The following MTERF4 variants were observed in gnomAD, a reference collection of about 807,000 sequenced individuals.
MTERF4 encodes the protein mitochondrial transcription termination factor 4.
In MTERF4, 17 loss-of-function variants were observed where a neutral mutation model predicts 22.5. That is an observed-to-expected ratio of 0.75 (90% CI 0.52 to 1.13). The LOEUF (loss-of-function observed/expected upper bound fraction) is 1.13. Among genes scored for constraint, MTERF4 ranks in the 50% most tolerant of loss-of-function variants. The pLI is 0.00. For missense variants in MTERF4, 420 were observed against 466.8 expected (o/e 0.90, Z 0.92); for synonymous variants, 165 against 175.3 (o/e 0.94, Z 0.47).
rs779840029 is a variant in MTERF4, at chr2:241,097,334, C to G, written c.614G>C (p.Cys205Ser). 1 of 1,614,174 alleles carries G rather than the reference C, an allele frequency of 6.2e-7. No individual in the cohort carries two copies. Among genetic ancestry groups the G allele is most frequent in the South Asian group, 1.1e-5 (1 of 91,082 alleles). ...NDTVRLLKEK[C>S]LFTVQQVTKI... ...GGTGACTTGCTGTACCGTGAAAAGG[C>G]ACTTCTCCTTGAGAAGCCTGACAGT... is the stretch of plus-strand genomic sequence containing the variant. The change falls in exon 3 of 4, where the codon TGC (cysteine) becomes TCC (serine). Residue 205 changes from cysteine to serine, a missense_variant. By Grantham distance (112) the Cys-to-Ser change is moderately radical. Transcript: ENST00000391980.
chr2:241,049,048 A>G, the MTERF4 span: 1 of 1,613,424 alleles, frequency 6.2e-7, no homozygotes, highest in Admixed American at 1.7e-5. Context: ...CTGCAACATG[A>G]ACACACAGTG....
chr2:241,074,040 T>C (rs1435640200), exon 5 of MTERF4: 1 of 152,558 alleles, frequency 6.6e-6, no homozygotes, highest in Admixed American at 6.5e-5. Flanking sequence ...GGCTGTGTCC[T>C]CTATGGACAG....
chr2:241,048,367 C>T, the MTERF4 span: 3 of 1,611,782 alleles, frequency 1.9e-6, no homozygotes, highest in Non-Finnish European at 2.5e-6. Flanking sequence ...ACAATGGGGG[C>T]ACCTGTGTGG....
intron 2 of MTERF4, chr2:241,099,112 T>G: frequency 3.4e-6 from 1 of 292,978 alleles, no homozygotes; most frequent in Non-Finnish European, 6.3e-6. Flanking sequence ...AGCCTTGCTG[T>G]CACCCAGGCT....
the MTERF4 span, among the ~76,000 whole-genome samples, chr2:241,054,709 G>T: frequency 1.3e-5 from 2 of 152,358 alleles, no homozygotes; most frequent in African/African-American, 4.8e-5. Context: ...TATAATAGTT[G>T]AAATAACAGA....
intron 1 of MTERF4, among the ~76,000 whole-genome samples, chr2:241,100,451 T>C (rs2064651117): frequency 6.6e-6 from 1 of 152,168 alleles, no homozygotes; most frequent in Admixed American, 6.5e-5. Context: ...AGTAAATACA[T>C]TTTCTCTTAG....
the MTERF4 span, chr2:241,049,797 C>T: frequency 1.3e-6 from 2 of 1,594,694 alleles, no homozygotes; most frequent in African/African-American, 1.4e-5. Context: ...CCAGGACCAC[C>T]CTCTGTCCCC....
the MTERF4 span, among the ~76,000 whole-genome samples, chr2:241,055,434 A>C: frequency 6.6e-6 from 1 of 152,252 alleles, no homozygotes; most frequent in South Asian, 2.1e-4. Context: ...AAACTTCTCA[A>C]CAGCAATATC....
the MTERF4 span, among the ~76,000 whole-genome samples, chr2:241,065,996 A>G: frequency 6.6e-6 from 1 of 151,484 alleles, no homozygotes; most frequent in Non-Finnish European, 1.5e-5. Flanking sequence ...GCCTGGGGAG[A>G]GTTTGAAAGA....
At chr2:241,094,550 CCTT>C (rs1559332108), downstream of MTERF4, 1 of 365,796 alleles carries the variant, frequency 2.7e-6, no homozygotes, top group South Asian at 2.1e-5. This position sits in a 1 kb window ranked among gnomAD's most constrained non-coding sequence, Gnocchi z 4.3. Flanking sequence ...AAAACCAGCT[CCTT>C]ATTTTTCTTT....
intron 4 of MTERF4, among the ~76,000 whole-genome samples, chr2:241,078,350 T>C (rs1267170135): frequency 2.8e-5 from 4 of 143,280 alleles, no homozygotes; most frequent in African/African-American, 1.1e-4. Context: ...GCCACTGCAC[T>C]GCAGCCTGGG....
chr2:241,063,092 G>A, the MTERF4 span, among the ~76,000 whole-genome samples: 1 of 152,354 alleles, frequency 6.6e-6, no homozygotes, highest in Non-Finnish European at 1.5e-5. Flanking sequence ...CACCTCCCCA[G>A]GGGAGACTGA....
chr2:241,070,008 G>T (rs1462993106), downstream of MTERF4: 2 of 1,612,850 alleles, frequency 1.2e-6, no homozygotes, highest in African/African-American at 2.7e-5. Context: ...CAGGCAGCTT[G>T]CTGGAGGCTT....
At chr2:241,062,304 T>C in the MTERF4 span, among the ~76,000 whole-genome samples, 1 of 152,130 alleles carries the variant, frequency 6.6e-6, no homozygotes, top group African/African-American at 2.4e-5. Context: ...TCATTACCAT[T>C]TATTTACTTT....
At chr2:241,053,969 C>T in the MTERF4 span, among the ~76,000 whole-genome samples, 2 of 152,210 alleles carry the variant, frequency 1.3e-5, no homozygotes, top group Non-Finnish European at 2.9e-5. Context: ...GATTTTAAAA[C>T]AAGCTTAGGA....
rs2064413471 is a variant in MTERF4, at chr2:241,096,233, C to G, written c.911G>C (p.Arg304Thr). Residue 304 changes from arginine to threonine, a missense_variant, in exon 4 of 4, where the codon AGG becomes ACG. Transcript: ENST00000391980. The surrounding 1 kb of genome is among the most constrained non-coding windows in gnomAD (Gnocchi z 5.1). ...LRVSEAEFLA[R>T]TACTSVEEFQ... Reference sequence around the variant, plus strand: ...CTCCTCAACAGAAGTACAGGCTGTCCTGGCCAAAAACTCAGCTTCTGAAAC... The same window carrying G: ...CTCCTCAACAGAAGTACAGGCTGTCGTGGCCAAAAACTCAGCTTCTGAAAC... 1 of 1,614,082 alleles carries G rather than the reference C, an allele frequency of 6.2e-7. No homozygotes were observed. Among genetic ancestry groups the G allele is most frequent in the Non-Finnish European group, 8.5e-7 (1 of 1,180,046 alleles).
downstream of MTERF4, chr2:241,070,163 C>T (rs1329051630): frequency 7.5e-6 from 12 of 1,599,680 alleles, no homozygotes; most frequent in South Asian, 2.2e-5. Flanking sequence ...GAGCTCGGGC[C>T]GCAGCACAGC....
chr2:241,080,746 A>C (rs560019010), intron 4 of MTERF4, among the ~76,000 whole-genome samples: 26 of 152,340 alleles, frequency 1.7e-4, no homozygotes, highest in East Asian at 7.7e-4. Context: ...CAGAAAGAAG[A>C]AGCAACCTAG....
At chr2:241,099,973 G>T in intron 1 of MTERF4, 79 bp from the exon 2 acceptor site, 1 of 1,497,984 alleles carries the variant, frequency 6.7e-7, no homozygotes, top group South Asian at 1.3e-5. Flanking sequence ...CTGAGCCAGA[G>T]TACTTACTGC....
Sources: allele counts gnomAD v4.1 joint callset (sites outside exome capture counted in the v4.1 genomes callset), GRCh38; gene constraint gnomAD v4.1.1; non-coding constraint Gnocchi (gnomAD v3.1); transcripts MANE v1.5; gene names NCBI Gene and HGNC (gene_info 2026-07-23, HGNC 2026-07-21).